Variants in UPB1 observed in about 807,000 individuals in gnomAD.
UPB1 encodes the protein beta-ureidopropionase 1, also known as beta-ureidopropionase.
UPB1 carries 40 observed loss-of-function variants against 49.1 expected under a neutral mutation model. The observed-to-expected ratio is 0.81, with a 90% CI of 0.63 to 1.06. The LOEUF is 1.06. UPB1 is among the 50% of genes least tolerant of loss of function. The pLI is 0.00. For missense variants in UPB1, 499 were observed against 505.9 expected (o/e 0.99, Z 0.13); for synonymous variants, 207 against 198.2 (o/e 1.04, Z -0.38).
intron 3 of UPB1, among the ~76,000 whole-genome samples, chr22:24,505,721 A>T (rs543716860): frequency 9.6e-4 from 144 of 150,352 alleles, no homozygotes; most frequent in Middle Eastern, 6.8e-3. Flanking sequence ...TTTTATTTTT[A>T]TTTTTTTTTG....
In UPB1 at chr22:24,508,501, A is replaced by G. The variant is rs941702139; in HGVS notation, c.365-2248A>G. Among the ~76,000 whole-genome samples, 101 of 138,124 alleles carry G rather than the reference A, an allele frequency of 7.3e-4. No individual in the cohort carries two copies. In the Middle Eastern group the frequency reaches 0.02, roughly 27 times the overall value. 90.6% of individuals were successfully genotyped at this position (138,124 alleles called of 152,430 possible). ...TTGAACCCAGGAGGTGGAGGTTGCA[A>G]TGAGCCAAGATCGTGCCACTGCACT... On this transcript the variant is annotated intron_variant, in intron 3 of 9. Coordinates refer to ENST00000326010, the MANE Select transcript of UPB1 (RefSeq NM_016327.3).
intron 5 of UPB1, among the ~76,000 whole-genome samples, chr22:24,514,731 G>T (rs184199951): frequency 1.3e-5 from 2 of 152,288 alleles, no homozygotes; most frequent in East Asian, 3.9e-4. Flanking sequence ...AATCATTTGG[G>T]CGAGCTATGC....
chr22:24,505,599 C>T (rs1196698271), intron 3 of UPB1, among the ~76,000 whole-genome samples: 1 of 152,242 alleles, frequency 6.6e-6, no homozygotes, highest in Non-Finnish European at 1.5e-5. Flanking sequence ...AGAGCCTCTG[C>T]TGAACCATCT....
chr22:24,502,269 C>T, intron 3 of UPB1, 56 bp downstream of exon 3: 3 of 1,544,974 alleles, frequency 1.9e-6, no homozygotes, highest in Non-Finnish European at 2.7e-6. Flanking sequence ...TGTATTCTCT[C>T]CATGTTGCCA....
At chr22:24,519,935 G>A in intron 6 of UPB1, 1 of 280,706 alleles carries the variant, frequency 3.6e-6, no homozygotes, top group Non-Finnish European at 7.0e-6. Flanking sequence ...CAGCAGGTGG[G>A]TTCCAGGAGA....
intron 7 of UPB1, 80 bp downstream of exon 7, chr22:24,520,548 T>C (rs1024309488): frequency 4.0e-6 from 6 of 1,505,564 alleles, no homozygotes; most frequent in African/African-American, 2.8e-5. Context: ...TCTGCACACA[T>C]GCCACAAATC....
In UPB1 at chr22:24,510,851, A is replaced by AT; in HGVS notation, c.459+10dup. Reference sequence around the variant, plus strand: ...ACCAGATTCTGTCAGAAGGTAGGACATTAACGGTGCCTCTGGCAGCAGCTG... The same window carrying AT: ...ACCAGATTCTGTCAGAAGGTAGGACATTTAACGGTGCCTCTGGCAGCAGCTG... On this transcript the variant is annotated intron_variant, in intron 4 of 9. Coordinates refer to ENST00000326010, the MANE Select transcript of UPB1 (RefSeq NM_016327.3). The AT allele has an allele frequency of 6.2e-7, 1 of 1,614,128 alleles. No individual in the cohort carries two copies.
At chr22:24,513,197 C>T in intron 4 of UPB1, 127 bp from the exon 5 acceptor site, 2 of 1,359,612 alleles carry the variant, frequency 1.5e-6, no homozygotes, top group Non-Finnish European at 2.1e-6. Context: ...ATTTAGTGTT[C>T]CAAACAACAA....
chr22:24,517,927 G>A (rs2044324841), intron 6 of UPB1, among the ~76,000 whole-genome samples: 1 of 152,236 alleles, frequency 6.6e-6, no homozygotes, highest in Admixed American at 6.5e-5. Context: ...CCCTTTGGGA[G>A]GCCAAGGCTG....
At chr22:24,495,907 G>A (rs530722441) in intron 1 of UPB1, among the ~76,000 whole-genome samples, 39 of 152,238 alleles carry the variant, frequency 2.6e-4, no homozygotes, top group African/African-American at 7.7e-4. Context: ...CCTTCTTGCG[G>A]TGACCCGACC....
intron 7 of UPB1, 26 bp downstream of exon 7, chr22:24,520,494 G>A (rs1601513603): frequency 5.6e-6 from 9 of 1,611,420 alleles, no homozygotes; most frequent in Non-Finnish European, 7.6e-6. Context: ...TGGCTGGGGA[G>A]AGGAGCCACC....
At chr22:24,520,606 G>A (rs1299322144) in intron 7 of UPB1, 138 bp downstream of exon 7, 2 of 959,950 alleles carry the variant, frequency 2.1e-6, no homozygotes, top group African/African-American at 1.6e-5. Flanking sequence ...TACTTTTCAA[G>A]ATATCTCTGT....
At chr22:24,513,539 T>A (rs751257471) in intron 5 of UPB1, 54 bp downstream of exon 5, 3 of 1,580,294 alleles carry the variant, frequency 1.9e-6, no homozygotes, top group Non-Finnish European at 2.6e-6. Flanking sequence ...CCTCTGTATG[T>A]TGTAGATCTC....
intron 5 of UPB1, among the ~76,000 whole-genome samples, chr22:24,514,882 G>T (rs756993689): frequency 6.6e-6 from 1 of 152,138 alleles, no homozygotes; most frequent in Non-Finnish European, 1.5e-5. Flanking sequence ...AACCAAACCC[G>T]AGCCTTGAGT....
chr22:24,508,753 CT>C (rs1295736579), intron 3 of UPB1, among the ~76,000 whole-genome samples: 2 of 151,106 alleles, frequency 1.3e-5, no homozygotes, highest in Non-Finnish European at 2.9e-5. Context: ...TGGTGGTGGG[CT>C]CCTGTAATTT....
chr22:24,509,811 A>G (rs1010099838), intron 3 of UPB1, among the ~76,000 whole-genome samples: 3 of 152,230 alleles, frequency 2.0e-5, no homozygotes, highest in Non-Finnish European at 4.4e-5. Context: ...TTGTGCAACC[A>G]TCATCACCAT....
chr22:24,524,560 A>C (rs1305540583), intron 9 of UPB1, among the ~76,000 whole-genome samples: 3 of 152,196 alleles, frequency 2.0e-5, no homozygotes, highest in Admixed American at 2.0e-4. Context: ...GCCATAGATC[A>C]TGGCAGCCTT....
At position 24,520,475 on chromosome 22, in the gene UPB1, C is replaced by G; in HGVS notation, c.873+7C>G. On this transcript the variant is annotated splice_region_variant and intron_variant, in intron 7 of 9. Coordinates refer to ENST00000326010, the MANE Select transcript of UPB1 (RefSeq NM_016327.3). ...CATCAATCGAGTGGGCACCGTAAGT[C>G]CCGAGGTCTGGCTGGGGAGAGGAGC... 6.2e-7 allele frequency: 1 copy of G among 1,613,582 alleles called. No individual in the cohort carries two copies. The highest frequency in any genetic ancestry group is 2.2e-5 in the East Asian group (1 of 44,868).
At chr22:24,517,569 C>G (rs78219900) in intron 6 of UPB1, among the ~76,000 whole-genome samples, 1 of 152,170 alleles carries the variant, frequency 6.6e-6, no homozygotes, top group Non-Finnish European at 1.5e-5. Flanking sequence ...TGTGCAGAGG[C>G]CCTCCCTGAC....
Sources: allele counts gnomAD v4.1 joint callset (sites outside exome capture counted in the v4.1 genomes callset), GRCh38; gene constraint gnomAD v4.1.1; transcripts MANE v1.5; gene names NCBI Gene and HGNC (gene_info 2026-07-23, HGNC 2026-07-21).